Variants in EIF4A2 observed in about 807,000 individuals in gnomAD.
The protein encoded by EIF4A2 is eukaryotic translation initiation factor 4A2, also known as eukaryotic initiation factor 4A-II.
Under a neutral mutation model 50.6 loss-of-function variants are expected in EIF4A2, and 9 were observed. That is an observed-to-expected ratio of 0.18 (90% CI 0.11 to 0.31). EIF4A2 has a LOEUF of 0.31. EIF4A2 is among the 10% of genes least tolerant of loss of function. The probability of loss-of-function intolerance (pLI) is 1.00; values close to 1 mark genes in which losing one functional copy is unlikely to be tolerated. For missense variants in EIF4A2, 182 were observed against 501.8 expected (o/e 0.36, Z 6.09); for synonymous variants, 215 against 164.4 (o/e 1.31, Z -2.35).
At chr3:186,785,536 A>G (rs1411376179) in intron 4 of EIF4A2, 6 of 305,670 alleles carry the variant, frequency 2.0e-5, no homozygotes, top group Non-Finnish European at 3.1e-5. Flanking sequence ...ATAAGGCACA[A>G]TACCCTCTGG....
intron 10 of EIF4A2, 196 bp from the exon 11 acceptor site, chr3:186,788,929 C>T: frequency 3.1e-6 from 2 of 637,730 alleles, no homozygotes; most frequent in East Asian, 6.4e-5. Flanking sequence ...GCCAGACAAG[C>T]CTTGAATCCT....
intron 4 of EIF4A2, chr3:186,785,321 C>A (rs1424430902): frequency 3.2e-6 from 2 of 618,940 alleles, no homozygotes; most frequent in Non-Finnish European, 5.4e-6. Context: ...CCGAAGCGCT[C>A]TCTTGGATGT....
In EIF4A2 at chr3:186,789,366, G is replaced by T; in HGVS notation, c.*97G>T. ...CTTTCTTTGGGAATATTTGAATCTT[G>T]TCTCAATGCTCATAACGGATCAGAA... is the stretch of plus-strand genomic sequence containing the variant. On this transcript the variant is annotated 3_prime_UTR_variant, in exon 11 of 11. Transcript: ENST00000323963. The T allele has an allele frequency of 6.8e-7, 1 of 1,480,432 alleles. No homozygotes were observed. The highest frequency in any genetic ancestry group is 9.1e-7 in the Non-Finnish European group (1 of 1,102,830). 91.7% of individuals were successfully genotyped at this position (1,480,432 alleles called of 1,614,324 possible).
At chr3:186,784,001 G>A (rs1302964769) in intron 1 of EIF4A2, 2 of 420,108 alleles carry the variant, frequency 4.8e-6, no homozygotes, top group African/African-American at 4.0e-5. Context: ...ACACGAGTTG[G>A]GGGAGGGTCC....
rs187847093 is a variant in EIF4A2 at position 186,784,206 on chromosome 3, T to C, written c.30-226T>C. ...GAGCTCTCGCGAGACGCTCCGCAGT[T>C]GAAACGGGATCGCCATGCGCTCGGG... On this transcript the variant is annotated intron_variant, in intron 1 of 10. Transcript: ENST00000323963. The C allele has an allele frequency of 2.3e-3, 1,387 of 613,816 alleles. 16 individuals are homozygous for C. The African/African-American group carries it at 0.023, about 10-fold the overall frequency. The allele number at this position is 613,816 out of a possible 1,614,324, so 38.0% of individuals were successfully genotyped here.
intron 6 of EIF4A2, 111 bp from the exon 7 acceptor site, chr3:186,786,391 A>G: frequency 1.3e-6 from 2 of 1,533,670 alleles, no homozygotes; most frequent in South Asian, 1.3e-5. Flanking sequence ...CACTTGATGC[A>G]TAACTCTGTC....
At chr3:186,787,384 C>T (rs1369336508) in intron 8 of EIF4A2, 111 bp from the exon 9 acceptor site, 4 of 1,607,248 alleles carry the variant, frequency 2.5e-6, no homozygotes, top group African/African-American at 1.3e-5. Context: ...TTAACTATAC[C>T]TGTCTGCTAT....
chr3:186,783,787 G>A, intron 1 of EIF4A2, 148 bp downstream of exon 1: 1 of 1,282,406 alleles, frequency 7.8e-7, no homozygotes, highest in Non-Finnish European at 1.1e-6. Context: ...AAGCTTCCAT[G>A]ATGGGTAGGG....
chr3:186,783,723 AAC>A, intron 1 of EIF4A2, 84 bp downstream of exon 1: 1 of 1,603,774 alleles, frequency 6.2e-7, no homozygotes. Context: ...CGGAGGCAAA[AAC>A]TCTAAATTAA....
At chr3:186,787,987 A>G in intron 10 of EIF4A2, 105 bp downstream of exon 10, 1 of 1,158,970 alleles carries the variant, frequency 8.6e-7, no homozygotes, top group South Asian at 1.4e-5. Flanking sequence ...CAGTAAAGTC[A>G]GTAGTGTTCA....
chr3:186,785,842 C>T lies in EIF4A2; in HGVS notation c.349-41C>T, dbSNP rs1230796789. ...TATGCTTTAAAAATTAGTCATTGATCCTGGAGTTCTGCGGAATAATAATTA... is the reference window on the plus strand; with the variant it reads ...TATGCTTTAAAAATTAGTCATTGATTCTGGAGTTCTGCGGAATAATAATTA... On this transcript the variant is annotated intron_variant, in intron 4 of 10. Coordinates refer to ENST00000323963, the MANE Select transcript of EIF4A2 (RefSeq NM_001967.4). 5.1e-6 allele frequency: 8 copies of T among 1,568,298 alleles called. No homozygotes were observed. In the East Asian group the frequency reaches 9.1e-5, roughly 18 times the overall value.
At chr3:186,785,739 G>A in intron 4 of EIF4A2, 144 bp from the exon 5 acceptor site, 2 of 1,038,016 alleles carry the variant, frequency 1.9e-6, no homozygotes, top group Non-Finnish European at 2.7e-6. Flanking sequence ...CAGTTAGGTC[G>A]TCTGCATTTT....
intron 8 of EIF4A2, 85 bp from the exon 9 acceptor site, chr3:186,787,410 A>G (rs956933464): frequency 6.2e-6 from 10 of 1,608,154 alleles, no homozygotes; most frequent in South Asian, 2.2e-5. Flanking sequence ...TGTAGCAGCC[A>G]GGGACGCTTG....
chr3:186,786,301 A>G, intron 6 of EIF4A2, 28 bp downstream of exon 6: 1 of 1,595,040 alleles, frequency 6.3e-7, no homozygotes, highest in Non-Finnish European at 8.6e-7. Flanking sequence ...CCCCTCTTAA[A>G]GGTAGAGATG....
At chr3:186,788,178 A>T in intron 10 of EIF4A2, 4 of 763,078 alleles carry the variant, frequency 5.2e-6, no homozygotes, top group Non-Finnish European at 7.7e-6. Flanking sequence ...TTTTTTCTAT[A>T]GTTGGGATTT....
intron 4 of EIF4A2, 126 bp from the exon 5 acceptor site, chr3:186,785,757 G>A: frequency 1.7e-6 from 2 of 1,209,820 alleles, no homozygotes; most frequent in Admixed American, 2.5e-5. Flanking sequence ...TTTAAGCTTG[G>A]AAGTAGTTTT....
rs774354910 is a variant in EIF4A2 at position 186,783,610 on chromosome 3, C to A, written c.-1C>A. Reference sequence around the variant, plus strand: ...TCGGGCGCTGAGTGGTTTTTCGGATCATGTCTGGTGGCTCCGCGGATTATA... The same window carrying A: ...TCGGGCGCTGAGTGGTTTTTCGGATAATGTCTGGTGGCTCCGCGGATTATA... On this transcript the variant is annotated 5_prime_UTR_variant, in exon 1 of 11. Coordinates refer to ENST00000323963, the MANE Select transcript of EIF4A2 (RefSeq NM_001967.4). 1.4e-5 allele frequency: 22 copies of A among 1,614,010 alleles called. No individual in the cohort carries two copies. Among genetic ancestry groups the A allele is most frequent in the Non-Finnish European group, 1.7e-5 (20 of 1,180,042 alleles).
At position 186,789,797 on chromosome 3, in the gene EIF4A2, AG is replaced by A; in HGVS notation, c.*529del. On this transcript the variant is annotated 3_prime_UTR_variant, in exon 11 of 11. Transcript: ENST00000323963. ...GAACTGGACCCTGTTGCTAAGCCCC[AG>A]CAAGCAATCCTAGGTAGGGTTTAAT... 1.7e-6 allele frequency: 1 copy of A among 582,808 alleles called. No homozygotes were observed. Among genetic ancestry groups the A allele is most frequent in the Non-Finnish European group, 3.0e-6 (1 of 331,278 alleles). 36.1% of individuals were successfully genotyped at this position (582,808 alleles called of 1,614,324 possible). A position where few individuals can be genotyped will look rare whatever the true frequency, so the allele number is the denominator to read the frequency against.
In EIF4A2 at chr3:186,784,557, C is replaced by T. The variant is rs566093664; in HGVS notation, c.76-7C>T. 1.3e-5 allele frequency: 21 copies of T among 1,614,122 alleles called. No homozygotes were observed. The highest frequency in any genetic ancestry group is 6.6e-5 in the South Asian group (6 of 91,082). ...TTTATGCGTGCATTATTTTTTCTAA[C>T]TTACAGAGCAACTGGAATGAGATTG... On this transcript the variant is annotated splice_region_variant and splice_polypyrimidine_tract_variant and intron_variant, in intron 2 of 10. Transcript: ENST00000323963.
Sources: gnomAD v4.1 joint callset for allele counts on GRCh38, gnomAD v4.1.1 for gene constraint, MANE v1.5 for transcripts, NCBI Gene and HGNC (gene_info 2026-07-23, HGNC 2026-07-21) for gene names.